The following TRHDE variants were observed in gnomAD, a reference collection of about 807,000 sequenced individuals.
TRHDE encodes the protein thyrotropin-releasing hormone-degrading ectoenzyme.
Under a neutral mutation model 125.7 loss-of-function variants are expected in TRHDE, and 72 were observed. That is an observed-to-expected ratio of 0.57 (90% CI 0.47 to 0.70). The LOEUF (loss-of-function observed/expected upper bound fraction) is 0.70, where lower values mean the gene tolerates loss of function less well. TRHDE is among the 30% of genes least tolerant of loss of function. TRHDE has a pLI of 0.00. For synonymous variants in TRHDE, 509 were observed against 509.1 expected (o/e 1.00, Z 0.00); for missense variants, 1,110 against 1,327.1 (o/e 0.84, Z 2.54).
rs142210059 is a variant in TRHDE, at chr12:72,505,096, A to G, written c.1722+5461A>G. On this transcript the variant is annotated intron_variant, in intron 6 of 18. Coordinates refer to ENST00000261180, the MANE Select transcript of TRHDE (RefSeq NM_013381.3). ...AATAAAGGTTAGGAACCAATAGACC[A>G]GCTACTAATTTGGGATTGAATTTAA... 1.1e-3 allele frequency among the ~76,000 whole-genome samples: 163 copies of G among 152,332 alleles called. 1 individual carries two copies. Among genetic ancestry groups the G allele is most frequent in the African/African-American group, 3.7e-3 (155 of 41,582 alleles).
intron 2 of TRHDE, among the ~76,000 whole-genome samples, chr12:72,227,761 C>T (rs1878163382): frequency 6.6e-6 from 1 of 152,186 alleles, no homozygotes; most frequent in Non-Finnish European, 1.5e-5. Context: ...AATGGGGGTA[C>T]AGGCTTTGGG....
At chr12:72,456,525 T>C (rs1233776999) in intron 3 of TRHDE, among the ~76,000 whole-genome samples, 1 of 152,180 alleles carries the variant, frequency 6.6e-6, no homozygotes, top group Admixed American at 6.5e-5. Flanking sequence ...TATCATTTTC[T>C]TCATGGTAGT....
intron 6 of TRHDE, among the ~76,000 whole-genome samples, chr12:72,505,643 A>G (rs1421296407): frequency 6.6e-6 from 1 of 152,236 alleles, no homozygotes; most frequent in Non-Finnish European, 1.5e-5. Context: ...AAAATTACAT[A>G]GAATAAAAGG....
chr12:72,639,724 A>C (rs1296793676), intron 15 of TRHDE, among the ~76,000 whole-genome samples: 1 of 152,098 alleles, frequency 6.6e-6, no homozygotes, highest in Non-Finnish European at 1.5e-5. Context: ...TCTAACAGAC[A>C]GGACCCTCAG....
At chr12:72,217,756 A>T (rs562537954) in intron 2 of TRHDE, among the ~76,000 whole-genome samples, 2 of 152,276 alleles carry the variant, frequency 1.3e-5, no homozygotes, top group East Asian at 3.9e-4. Context: ...AAACATAAAA[A>T]TTTTAAAAAC....
At chr12:72,287,951 T>G (rs947618870) in intron 2 of TRHDE, among the ~76,000 whole-genome samples, 2 of 152,118 alleles carry the variant, frequency 1.3e-5, no homozygotes, top group African/African-American at 4.8e-5. Context: ...ATTCCACTTT[T>G]TTTTTTTTTC....
intron 12 of TRHDE, among the ~76,000 whole-genome samples, chr12:72,594,021 G>A (rs1007256032): frequency 6.6e-6 from 1 of 152,146 alleles, no homozygotes; most frequent in African/African-American, 2.4e-5. Context: ...AATCCCTTGG[G>A]TATATGCCCA....
chr12:72,158,403 C>T (rs1454159694), intron 2 of TRHDE, among the ~76,000 whole-genome samples: 1 of 151,424 alleles, frequency 6.6e-6, no homozygotes, highest in Non-Finnish European at 1.5e-5. Context: ...TTCATACATA[C>T]TTATATATGT....
At chr12:72,298,454 C>G (rs762116441) in intron 2 of TRHDE, among the ~76,000 whole-genome samples, 3 of 152,172 alleles carry the variant, frequency 2.0e-5, no homozygotes, top group African/African-American at 4.8e-5. Flanking sequence ...GTTTTTCTTT[C>G]TGGCTTCAGA....
chr12:72,194,133 G>T (rs1367089521), intron 2 of TRHDE, among the ~76,000 whole-genome samples: 1 of 152,038 alleles, frequency 6.6e-6, no homozygotes, highest in Admixed American at 6.6e-5. Context: ...TGTGATAGGA[G>T]ATTAAAACTT....
intron 2 of TRHDE, among the ~76,000 whole-genome samples, chr12:72,359,974 C>T (rs554284011): frequency 7.9e-5 from 12 of 151,446 alleles, no homozygotes; most frequent in African/African-American, 1.5e-4. Flanking sequence ...TTGGTATATG[C>T]GAGAAGGGCA....
chr12:72,607,698 T>C (rs1872503958), intron 12 of TRHDE, among the ~76,000 whole-genome samples: 1 of 152,160 alleles, frequency 6.6e-6, no homozygotes, highest in African/African-American at 2.4e-5. Context: ...GCAGTTTTTA[T>C]TCTTAATGAC....
At position 72,634,686 on chromosome 12, in the gene TRHDE, G is replaced by A. The variant is rs1273957274; in HGVS notation, c.2675+12935G>A. Among the ~76,000 whole-genome samples, 31 of 131,084 alleles carry A rather than the reference G, an allele frequency of 2.4e-4. No individual in the cohort carries two copies. In the Admixed American group the frequency reaches 2.8e-3, roughly 12 times the overall value. 86.0% of individuals were successfully genotyped at this position (131,084 alleles called of 152,430 possible). ...CCCACAACAGTCCCCAGAGTGTGAT[G>A]TTCCCCCTCCTGTGTCCATGTGTTC... On this transcript the variant is annotated intron_variant, in intron 15 of 18. Transcript: ENST00000261180.
intron 1 of TRHDE, among the ~76,000 whole-genome samples, chr12:72,105,068 A>G (rs1213832773): frequency 6.6e-6 from 1 of 152,212 alleles, no homozygotes; most frequent in African/African-American, 2.4e-5. Flanking sequence ...GGGACTAACC[A>G]GCTGTGAGAG....
At chr12:72,384,097 T>C (rs557899144) in intron 3 of TRHDE, among the ~76,000 whole-genome samples, 2 of 152,332 alleles carry the variant, frequency 1.3e-5, no homozygotes, top group African/African-American at 2.4e-5. Flanking sequence ...AGGTGCACTA[T>C]AGTTAATTAG....
At chr12:72,387,785 G>C (rs1218348407) in intron 3 of TRHDE, among the ~76,000 whole-genome samples, 1 of 152,008 alleles carries the variant, frequency 6.6e-6, no homozygotes, top group Middle Eastern at 3.2e-3. Flanking sequence ...TTTTATAAGG[G>C]GAACACCCTT....
At chr12:72,648,130 T>C (rs186478355) in intron 15 of TRHDE, among the ~76,000 whole-genome samples, 1 of 152,118 alleles carries the variant, frequency 6.6e-6, no homozygotes, top group Admixed American at 6.5e-5. Flanking sequence ...ACCACCTTAT[T>C]AGAATAAACG....
intron 2 of TRHDE, among the ~76,000 whole-genome samples, chr12:72,238,760 A>G (rs910371394): frequency 6.6e-6 from 1 of 152,120 alleles, no homozygotes; most frequent in Non-Finnish European, 1.5e-5. Context: ...TCCATGGTGT[A>G]TATGTGCCAC....
chr12:72,330,968 G>A (rs1413171845), intron 2 of TRHDE, among the ~76,000 whole-genome samples: 1 of 152,128 alleles, frequency 6.6e-6, no homozygotes, highest in African/African-American at 2.4e-5. Flanking sequence ...TTTCTAACAA[G>A]TTTCCAGGTG....
Sources: gnomAD v4.1 joint callset for allele counts (sites outside exome capture counted in the v4.1 genomes callset) on GRCh38, gnomAD v4.1.1 for gene constraint, MANE v1.5 for transcripts, NCBI Gene and HGNC (gene_info 2026-07-23, HGNC 2026-07-21) for gene names.